SNX9: variants seen among roughly 807,000 people sequenced by gnomAD.
SNX9 encodes sorting nexin-9.
A neutral mutation model predicts 89.4 loss-of-function variants in SNX9; 44 were observed. The ratio of observed to expected loss-of-function variants is 0.49; its 90% confidence interval spans 0.39 to 0.63. The LOEUF (loss-of-function observed/expected upper bound fraction) is 0.63. Ranked by LOEUF, SNX9 falls within the 30% of genes least tolerant of loss-of-function variation. The pLI is 0.00. For synonymous variants in SNX9, 236 were observed against 247.8 expected, an observed-to-expected ratio of 0.95 and a Z score of 0.45; for missense variants, 578 against 736.1, an observed-to-expected ratio of 0.79 and a Z score of 2.49.
chr6:157,823,495 GCGCGGAGAGGGTCGGGGCCGGGGC>G lies in SNX9; in HGVS notation c.12+55_12+78del. 1 of 1,170,720 alleles carries G rather than the reference GCGCGGAGAGGGTCGGGGCCGGGGC, an allele frequency of 8.5e-7. No individual in the cohort carries two copies. Among genetic ancestry groups the G allele is most frequent in the Non-Finnish European group, 1.1e-6 (1 of 949,906 alleles). 72.5% of individuals were successfully genotyped at this position (1,170,720 alleles called of 1,614,324 possible). A position where few individuals can be genotyped will look rare whatever the true frequency, so the allele number is the denominator to read the frequency against. On this transcript the variant is annotated intron_variant, in intron 1 of 17. Transcript: ENST00000392185. This position sits in a 1 kb window ranked among gnomAD's most constrained non-coding sequence, Gnocchi z 4.6. ...GGGCCGGTCGCTCAGGCCCGGGGCGGCGCGGAGAGGGTCGGGGCCGGGGCCGCGGGGAGGGTCGGGGCCAGGGGT... is the reference window on the plus strand; with the variant it reads ...GGGCCGGTCGCTCAGGCCCGGGGCGGCGCGGGGAGGGTCGGGGCCAGGGGT...
intron 1 of SNX9, among the ~76,000 whole-genome samples, chr6:157,832,734 G>A (rs1781500515): frequency 6.6e-6 from 1 of 152,134 alleles, no homozygotes; most frequent in South Asian, 2.1e-4. Context: ...GAGAATTCAT[G>A]AGAACAGCAT....
intron 1 of SNX9, among the ~76,000 whole-genome samples, chr6:157,850,354 C>G (rs986595250): frequency 2.8e-4 from 42 of 152,060 alleles, no homozygotes; most frequent in Non-Finnish European, 8.8e-5. Flanking sequence ...ATTTGAATTT[C>G]TTGATGTTAA....
In SNX9 at chr6:157,909,748, G is replaced by A; in HGVS notation, c.789G>A (p.Met263Ile). The change falls in exon 8 of 18, where the codon ATG (methionine) becomes ATA (isoleucine). Residue 263 changes from methionine (M) to isoleucine (I), a missense_variant. Met to Ile is a conservative substitution (Grantham distance 10). Coordinates refer to ENST00000392185, the MANE Select transcript of SNX9 (RefSeq NM_016224.5). ...VVADPRKGSK[M>I]YGLKSYIEYQ... ...CAGATCCCAGGAAAGGCTCCAAAAT[G>A]TATGGTCTAAAGAGCTACATCGAAT... 1.9e-6 allele frequency: 3 copies of A among 1,614,180 alleles called. No individual in the cohort carries two copies. The highest frequency in any genetic ancestry group is 2.5e-6 in the Non-Finnish European group (3 of 1,180,024).
chr6:157,885,840 G>A (rs186400218), intron 4 of SNX9, among the ~76,000 whole-genome samples: 93 of 152,332 alleles, frequency 6.1e-4, no homozygotes, highest in Non-Finnish European at 1.1e-3. Flanking sequence ...TGAAGTGGAC[G>A]TTTGGTGTCT....
intron 1 of SNX9, among the ~76,000 whole-genome samples, chr6:157,864,640 C>T (rs1439779920): frequency 6.6e-6 from 1 of 152,192 alleles, no homozygotes; most frequent in African/African-American, 2.4e-5. Flanking sequence ...CCAGGCTCCA[C>T]TCTGAGGGCT....
intron 17 of SNX9, among the ~76,000 whole-genome samples, 200 bp from the exon 18 acceptor site, chr6:157,942,591 G>T (rs1168539724): frequency 2.6e-5 from 4 of 152,280 alleles, no homozygotes; most frequent in Admixed American, 6.5e-5. Context: ...ACCAGGGCCA[G>T]CTCGGGCCCC....
chr6:157,901,681 T>C (rs1337935573), intron 5 of SNX9, among the ~76,000 whole-genome samples: 1 of 152,176 alleles, frequency 6.6e-6, no homozygotes, highest in African/African-American at 2.4e-5. Flanking sequence ...TTCTGATTTG[T>C]CTTTTGCACT....
chr6:157,838,484 T>G (rs1366010084), intron 1 of SNX9, among the ~76,000 whole-genome samples: 6 of 152,214 alleles, frequency 3.9e-5, no homozygotes, highest in Non-Finnish European at 8.8e-5. Flanking sequence ...ATACATAGTG[T>G]ACAGTGAGAT....
chr6:157,931,708 T>G (rs1239429888), intron 12 of SNX9, among the ~76,000 whole-genome samples: 1 of 152,254 alleles, frequency 6.6e-6, no homozygotes, highest in Non-Finnish European at 1.5e-5. Flanking sequence ...TGGTCATTTA[T>G]GCACCTGTAA....
At chr6:157,868,237 C>A (rs147088251) in intron 2 of SNX9, among the ~76,000 whole-genome samples, 307 of 152,306 alleles carry the variant, frequency 2.0e-3, no homozygotes, top group African/African-American at 7.2e-3. Flanking sequence ...AAACAAGAAG[C>A]AACTCTATGT....
intron 4 of SNX9, among the ~76,000 whole-genome samples, chr6:157,895,951 G>A (rs950392236): frequency 4.6e-5 from 7 of 152,198 alleles, no homozygotes; most frequent in Non-Finnish European, 8.8e-5. Context: ...ATAATAAGGA[G>A]TCCCCTCTGC....
chr6:157,927,812 C>T lies in SNX9; in HGVS notation c.1184+598C>T, dbSNP rs867728835. 2.1e-4 allele frequency among the ~76,000 whole-genome samples: 32 copies of T among 149,190 alleles called. No individual in the cohort carries two copies. The Middle Eastern group carries it at 0.021, about 97-fold the overall frequency. ...CACGATCTCCGCTCACTGCAAGCTCCGCCTCCCAGGTTCACGCCATTCTCC... is the reference window on the plus strand; with the variant it reads ...CACGATCTCCGCTCACTGCAAGCTCTGCCTCCCAGGTTCACGCCATTCTCC... On this transcript the variant is annotated intron_variant, in intron 11 of 17. Coordinates refer to ENST00000392185, the MANE Select transcript of SNX9 (RefSeq NM_016224.5).
intron 1 of SNX9, among the ~76,000 whole-genome samples, chr6:157,836,084 A>G (rs1781577394): frequency 6.6e-6 from 1 of 151,968 alleles, no homozygotes; most frequent in African/African-American, 2.4e-5. Context: ...GGCACATGCC[A>G]CCAGAGCCAG....
intron 4 of SNX9, among the ~76,000 whole-genome samples, chr6:157,888,177 C>T (rs1346654715): frequency 6.6e-6 from 1 of 152,152 alleles, no homozygotes; most frequent in Non-Finnish European, 1.5e-5. Flanking sequence ...TGTCTGGACT[C>T]TCTCACATAC....
At position 157,921,738 on chromosome 6, in the gene SNX9, G is replaced by A; in HGVS notation, c.1080+77G>A. 5 of 1,481,140 alleles carry A rather than the reference G, an allele frequency of 3.4e-6. No homozygotes were observed. In the South Asian group the frequency reaches 3.8e-5, roughly 11 times the overall value. 91.7% of individuals were successfully genotyped at this position (1,481,140 alleles called of 1,614,324 possible). On this transcript the variant is annotated intron_variant, in intron 10 of 17. Transcript: ENST00000392185. ...CACACCAAACTTATTTCTGAAAGGA[G>A]TTAAAATTATGTTGGTTAGTTATTT...
intron 7 of SNX9, 148 bp from the exon 8 acceptor site, chr6:157,909,517 T>C: frequency 2.1e-6 from 2 of 931,238 alleles, no homozygotes; most frequent in Non-Finnish European, 3.2e-6. Flanking sequence ...CAGAAACCAT[T>C]GAACCATTTA....
chr6:157,921,795 A>C (rs750227437), intron 10 of SNX9, 134 bp downstream of exon 10: 1 of 1,043,806 alleles, frequency 9.6e-7, no homozygotes, highest in Non-Finnish European at 1.4e-6. Context: ...GAGGGGACAG[A>C]AACCTAAATC....
chr6:157,878,625 G>T (rs1305374299), intron 4 of SNX9, among the ~76,000 whole-genome samples: 1 of 151,968 alleles, frequency 6.6e-6, no homozygotes, highest in Non-Finnish European at 1.5e-5. Context: ...TAGAGATGGG[G>T]TTTCACCATA....
chr6:157,910,479 G>A (rs1474284051), intron 9 of SNX9, among the ~76,000 whole-genome samples: 1 of 152,214 alleles, frequency 6.6e-6, no homozygotes, highest in Non-Finnish European at 1.5e-5. Flanking sequence ...AGAAGCCACA[G>A]AACTACTAAG....
Sources: gnomAD v4.1 joint callset for allele counts (sites outside exome capture counted in the v4.1 genomes callset) on GRCh38, gnomAD v4.1.1 for gene constraint, Gnocchi (gnomAD v3.1) non-coding constraint, MANE v1.5 for transcripts, NCBI Gene and HGNC (gene_info 2026-07-23, HGNC 2026-07-21) for gene names.